The following SFXN1 variants were observed in gnomAD, a reference collection of about 807,000 sequenced individuals.
The protein encoded by SFXN1 is sideroflexin-1.
Under a neutral mutation model 39.5 loss-of-function variants are expected in SFXN1, and 32 were observed. The ratio of observed to expected loss-of-function variants is 0.81; its 90% CI spans 0.61 to 1.09. The LOEUF (loss-of-function observed/expected upper bound fraction) is 1.09, where lower values mean the gene tolerates loss of function less well. SFXN1 is among the 50% of genes least tolerant of loss of function. The probability of loss-of-function intolerance (pLI) is 0.00; values close to 1 mark genes in which losing one functional copy is unlikely to be tolerated. For missense variants in SFXN1, 402 were observed against 407.1 expected, an observed-to-expected ratio of 0.99 and a Z score of 0.11; for synonymous variants, 136 against 146.5, an observed-to-expected ratio of 0.93 and a Z score of 0.52.
At chr5:175,494,910 C>T (rs927498669) in intron 2 of SFXN1, among the ~76,000 whole-genome samples, 3 of 152,042 alleles carry the variant, frequency 2.0e-5, no homozygotes, top group East Asian at 1.9e-4. Flanking sequence ...CATGAATCAC[C>T]GTGTGACCCA....
intron 7 of SFXN1, among the ~76,000 whole-genome samples, chr5:175,514,840 A>G (rs1760663928): frequency 6.6e-6 from 1 of 152,210 alleles, no homozygotes; most frequent in Admixed American, 6.5e-5. Context: ...GGGTGGCTGC[A>G]CAGCCACAGT....
In SFXN1 at chr5:175,478,629, C is replaced by G. The variant is rs1759108386; in HGVS notation, c.-20C>G. 2 of 151,750 alleles carry G rather than the reference C, an allele frequency of 1.3e-5. No individual in the cohort carries two copies. The highest frequency in any genetic ancestry group is 4.9e-5 in the African/African-American group (2 of 41,058). The allele number at this position is 151,750 out of a possible 1,614,324, so 9.4% of individuals were successfully genotyped here. A position where few individuals can be genotyped will look rare whatever the true frequency, so the allele number is the denominator to read the frequency against. On this transcript the variant is annotated 5_prime_UTR_variant, in exon 1 of 11. Transcript: ENST00000321442. ...CCTGCGAGCAGCGCGGGCGGCAGCC[C>G]GGGGGAAGCGGTGAGTCGCGGGCGG...
chr5:175,505,469 G>A (rs537076513), intron 2 of SFXN1, among the ~76,000 whole-genome samples: 3 of 151,240 alleles, frequency 2.0e-5, no homozygotes, highest in Admixed American at 6.6e-5. Context: ...CCCAGGAGGC[G>A]GAGGTTGCAG....
chr5:175,510,072 A>G (rs372318864), intron 3 of SFXN1, 37 bp from the exon 4 acceptor site: 31 of 1,566,406 alleles, frequency 2.0e-5, no homozygotes, highest in Non-Finnish European at 2.6e-5. Flanking sequence ...GGCTGGGCCC[A>G]GTGATGGTGG....
At chr5:175,486,452 CTTATATT>C (rs1396756178) in intron 1 of SFXN1, among the ~76,000 whole-genome samples, 1 of 152,158 alleles carries the variant, frequency 6.6e-6, no homozygotes, top group Non-Finnish European at 1.5e-5. Context: ...CATGATAATA[CTTATATT>C]TTATAGAGTA....
At chr5:175,481,139 G>A (rs1291097586) in intron 1 of SFXN1, among the ~76,000 whole-genome samples, 1 of 152,136 alleles carries the variant, frequency 6.6e-6, no homozygotes, top group Admixed American at 6.5e-5. Context: ...TTCTAGTTTA[G>A]TGTTGTTCAT....
rs1760458750 is a variant in SFXN1 at position 175,510,095 on chromosome 5, T to G, written c.336-14T>G. 5 of 1,605,824 alleles carry G rather than the reference T, an allele frequency of 3.1e-6. No individual in the cohort carries two copies. The highest frequency in any genetic ancestry group is 4.3e-6 in the Non-Finnish European group (5 of 1,175,412). ...CCAGTGATGGTGGGTATGTGACGGATGCCTCTGTTTTAGGACTACGCCGGC... is the reference window on the plus strand; with the variant it reads ...CCAGTGATGGTGGGTATGTGACGGAGGCCTCTGTTTTAGGACTACGCCGGC... On this transcript the variant is annotated splice_polypyrimidine_tract_variant and intron_variant, in intron 3 of 10. Transcript: ENST00000321442.
chr5:175,521,853 A>C (rs1760888629), intron 8 of SFXN1, 66 bp from the exon 9 acceptor site: 1 of 1,273,872 alleles, frequency 7.9e-7, no homozygotes, highest in East Asian at 2.4e-5. Context: ...CTTCCAGTTA[A>C]TCAGAAGATA....
intron 8 of SFXN1, among the ~76,000 whole-genome samples, chr5:175,518,718 G>T (rs1561674887): frequency 6.6e-6 from 1 of 152,184 alleles, no homozygotes; most frequent in Admixed American, 6.5e-5. Flanking sequence ...TGTAGGCAAT[G>T]TGTAAGGAAT....
At chr5:175,517,884 C>T (rs1006717055) in intron 8 of SFXN1, among the ~76,000 whole-genome samples, 2 of 152,116 alleles carry the variant, frequency 1.3e-5, no homozygotes, top group African/African-American at 4.8e-5. Context: ...TGCCCCAGGG[C>T]CAGGTGTGCC....
At position 175,509,086 on chromosome 5, in the gene SFXN1, C is replaced by G; in HGVS notation, c.219C>G (p.Tyr73Ter). ...LTENELWRAKYIYDSAFHPDT... is the reference protein window; with the variant it reads ...LTENELWRAK Reference sequence around the variant, plus strand: ...AAAATGAATTGTGGAGAGCAAAGTACATCTATGATTCAGCTTTTCATCCTG... The same window carrying G: ...AAAATGAATTGTGGAGAGCAAAGTAGATCTATGATTCAGCTTTTCATCCTG... The change falls in exon 3 of 11, where the codon TAC becomes TAG. Residue 73 changes from tyrosine (Y) to a stop codon, truncating the protein, a stop_gained. Transcript: ENST00000321442. LOFTEE classifies it high-confidence loss of function. 1 of 1,613,756 alleles carries G rather than the reference C, an allele frequency of 6.2e-7. No homozygotes were observed. The highest frequency in any genetic ancestry group is 1.1e-5 in the South Asian group (1 of 90,998).
chr5:175,490,066 C>G (rs979413181), intron 1 of SFXN1, among the ~76,000 whole-genome samples: 2 of 152,162 alleles, frequency 1.3e-5, no homozygotes, highest in African/African-American at 2.4e-5. Context: ...GATGGACTTG[C>G]AATGTTGTGT....
At position 175,511,547 on chromosome 5, in the gene SFXN1, A is replaced by G. The variant is rs748056527; in HGVS notation, c.510+21A>G. ...CCAAGGTACTCAGATTTTTATTTCC[A>G]TAATAAAGCTGTTTAATTTGTTATC... is the stretch of plus-strand genomic sequence containing the variant. On this transcript the variant is annotated intron_variant, in intron 5 of 10. Transcript: ENST00000321442. 7.2e-5 allele frequency: 115 copies of G among 1,596,976 alleles called. No individual in the cohort carries two copies. In the East Asian group the frequency reaches 2.5e-3, roughly 34 times the overall value.
chr5:175,484,390 C>T (rs931779144), intron 1 of SFXN1, among the ~76,000 whole-genome samples: 3 of 152,230 alleles, frequency 2.0e-5, no homozygotes, highest in African/African-American at 7.2e-5. Context: ...CGATGGTGCC[C>T]GCAGCAGTCC....
intron 10 of SFXN1, chr5:175,525,775 A>C (rs1421127802): frequency 1.3e-5 from 2 of 151,846 alleles, no homozygotes; most frequent in Non-Finnish European, 2.9e-5. Context: ...CACCTGTCTT[A>C]TTTTTTATTT....
At chr5:175,503,719 C>A (rs889429769) in intron 2 of SFXN1, among the ~76,000 whole-genome samples, 2 of 152,096 alleles carry the variant, frequency 1.3e-5, no homozygotes, top group African/African-American at 4.8e-5. Context: ...GAAAGGAACC[C>A]TGGCCGGGCG....
chr5:175,484,350 C>A (rs1392056536), intron 1 of SFXN1, among the ~76,000 whole-genome samples: 1 of 152,238 alleles, frequency 6.6e-6, no homozygotes, highest in Non-Finnish European at 1.5e-5. Flanking sequence ...TGCACAATCA[C>A]CCCCACCCCA....
At chr5:175,511,952 T>A (rs1006618012) in intron 5 of SFXN1, among the ~76,000 whole-genome samples, 159 bp from the exon 6 acceptor site, 1 of 152,182 alleles carries the variant, frequency 6.6e-6, no homozygotes, top group Non-Finnish European at 1.5e-5. Context: ...GTGGGAAATA[T>A]ACAAATACTG....
At chr5:175,501,361 C>T (rs548485572) in intron 2 of SFXN1, among the ~76,000 whole-genome samples, 15 of 152,218 alleles carry the variant, frequency 9.9e-5, no homozygotes, top group Non-Finnish European at 1.6e-4. Flanking sequence ...AGCCACCGCG[C>T]CCGGCAGTAT....
Sources: allele counts gnomAD v4.1 joint callset (sites outside exome capture counted in the v4.1 genomes callset), GRCh38; gene constraint gnomAD v4.1.1; transcripts MANE v1.5; gene names NCBI Gene and HGNC (gene_info 2026-07-23, HGNC 2026-07-21).